Variants in MND1 observed in about 807,000 individuals in gnomAD.
The protein encoded by MND1 is meiotic nuclear division protein 1 homolog.
In MND1, 28 loss-of-function variants were observed where a neutral mutation model predicts 35.1. That is an observed-to-expected ratio of 0.80 (90% CI 0.59 to 1.09). The LOEUF is 1.09. Among genes scored for constraint, MND1 ranks in the 50% least tolerant of loss-of-function variants. The pLI, the probability that MND1 is intolerant of heterozygous loss-of-function variation, is 0.00. For missense variants in MND1, 213 were observed against 239.6 expected (o/e 0.89, Z 0.73); for synonymous variants, 69 against 70.5 (o/e 0.98, Z 0.11).
intron 4 of MND1, among the ~76,000 whole-genome samples, 176 bp downstream of exon 4, chr4:153,358,798 A>C (rs1773409080): frequency 6.6e-6 from 1 of 152,128 alleles, no homozygotes. Flanking sequence ...AGAACGTTTT[A>C]ATTTTCATCT....
intron 4 of MND1, among the ~76,000 whole-genome samples, chr4:153,389,741 T>C (rs1219489381): frequency 1.3e-5 from 2 of 152,222 alleles, no homozygotes; most frequent in African/African-American, 4.8e-5. Flanking sequence ...AGACAAACAT[T>C]AAGATGTTTT....
chr4:153,355,560 A>AT (rs1357316669), intron 2 of MND1, 94 bp from the exon 3 acceptor site: 26 of 723,188 alleles, frequency 3.6e-5, no homozygotes, highest in African/African-American at 7.2e-5. Context: ...GTATACAACT[A>AT]TTATGTACCC....
chr4:153,366,722 A>T (rs1028918846), intron 4 of MND1, among the ~76,000 whole-genome samples: 1 of 152,228 alleles, frequency 6.6e-6, no homozygotes, highest in Non-Finnish European at 1.5e-5. Flanking sequence ...GGAACTAGAA[A>T]TAGGAATGGG....
chr4:153,398,101 T>C (rs1207380694), intron 6 of MND1, among the ~76,000 whole-genome samples: 1 of 152,178 alleles, frequency 6.6e-6, no homozygotes, highest in Non-Finnish European at 1.5e-5. Context: ...AATATACCAG[T>C]CATTTTTTTT....
At chr4:153,392,326 C>T (rs893248804) in intron 4 of MND1, among the ~76,000 whole-genome samples, 4 of 151,934 alleles carry the variant, frequency 2.6e-5, no homozygotes, top group South Asian at 4.2e-4. Context: ...AGGATGGTCT[C>T]GATCTCCTGA....
chr4:153,369,088 T>G (rs1233693811), intron 4 of MND1, among the ~76,000 whole-genome samples: 2 of 152,216 alleles, frequency 1.3e-5, no homozygotes, highest in Non-Finnish European at 2.9e-5. Context: ...AATCCAATCA[T>G]GTGGTTATTG....
chr4:153,392,328 A>G (rs902202347), intron 4 of MND1, among the ~76,000 whole-genome samples: 3 of 152,002 alleles, frequency 2.0e-5, no homozygotes, highest in Non-Finnish European at 4.4e-5. Context: ...GATGGTCTCG[A>G]TCTCCTGACC....
At chr4:153,408,949 T>C (rs780646067) in intron 6 of MND1, 22 bp from the exon 7 acceptor site, 6 of 1,034,456 alleles carry the variant, frequency 5.8e-6, no homozygotes, top group Admixed American at 7.8e-5. Context: ...CATTTCATTT[T>C]ATATATATAA....
chr4:153,413,051 T>C (rs1729733772), intron 7 of MND1, among the ~76,000 whole-genome samples: 2 of 152,032 alleles, frequency 1.3e-5, no homozygotes, highest in African/African-American at 2.4e-5. Context: ...ATGATCCTTT[T>C]CTTATAAAGA....
intron 7 of MND1, among the ~76,000 whole-genome samples, chr4:153,409,370 C>CTAATAATAATAATAATAATAATAATAA (rs58903970): frequency 2.7e-3 from 402 of 149,436 alleles, no homozygotes; most frequent in African/African-American, 8.4e-3. Flanking sequence ...TATCATCTTG[C>CTAATAATAATAATAATAATAATAATAA]TAATAATAAT....
intron 4 of MND1, among the ~76,000 whole-genome samples, chr4:153,393,837 T>G (rs1222692503): frequency 6.6e-6 from 1 of 151,900 alleles, no homozygotes; most frequent in Non-Finnish European, 1.5e-5. Context: ...ACTCTTTTTT[T>G]TTTTCAATGT....
chr4:153,414,758 A>G lies in MND1; in HGVS notation c.519A>G (p.Ile173Met), dbSNP rs1461142359. ...TCTCAATTTTCTTTATAGATAACAT[A>G]TTCGCAATAAAATCTTGGGCCAAAA... is the stretch of plus-strand genomic sequence containing the variant. ...KEAANRWTDN[I>M]FAIKSWAKRK... The change falls in exon 8 of 8, where the codon ATA (isoleucine) becomes ATG (methionine). Residue 173 changes from isoleucine to methionine, a missense_variant. Coordinates refer to ENST00000240488, the MANE Select transcript of MND1 (RefSeq NM_032117.4). 6.3e-6 allele frequency: 9 copies of G among 1,427,636 alleles called. No individual in the cohort carries two copies. The highest frequency in any genetic ancestry group is 1.4e-5 in the African/African-American group (1 of 69,656). 88.4% of individuals were successfully genotyped at this position (1,427,636 alleles called of 1,614,324 possible). A position where few individuals can be genotyped will look rare whatever the true frequency, so the allele number is the denominator to read the frequency against.
At chr4:153,367,179 G>A (rs1579912524) in intron 4 of MND1, among the ~76,000 whole-genome samples, 1 of 152,024 alleles carries the variant, frequency 6.6e-6, no homozygotes, top group African/African-American at 2.4e-5. Context: ...CCCATTTAAA[G>A]TGTATGATGT....
intron 4 of MND1, among the ~76,000 whole-genome samples, chr4:153,378,984 G>A (rs1728585630): frequency 6.6e-6 from 1 of 152,136 alleles, no homozygotes; most frequent in Non-Finnish European, 1.5e-5. Flanking sequence ...TAGCAAGTGA[G>A]AACTTTTGAA....
At chr4:153,365,039 C>A (rs1773592616) in intron 4 of MND1, among the ~76,000 whole-genome samples, 1 of 151,868 alleles carries the variant, frequency 6.6e-6, no homozygotes, top group African/African-American at 2.4e-5. Flanking sequence ...ACATTGCTGA[C>A]CTTGGAAGAT....
intron 6 of MND1, among the ~76,000 whole-genome samples, chr4:153,407,202 G>A (rs773556655): frequency 1.1e-4 from 16 of 152,184 alleles, no homozygotes; most frequent in Admixed American, 5.9e-4. Flanking sequence ...GGTGGCTCAC[G>A]CCTGTAATCC....
At chr4:153,364,858 C>G (rs887310820) in intron 4 of MND1, among the ~76,000 whole-genome samples, 1 of 152,172 alleles carries the variant, frequency 6.6e-6, no homozygotes, top group Admixed American at 6.5e-5. Context: ...ATTGCAGGCT[C>G]ATCCCACCAC....
At chr4:153,381,692 ATTTTTTTTTTTTTTTTTT>A (rs765943574) in intron 4 of MND1, 5 of 17,474 alleles carry the variant, frequency 2.9e-4, no homozygotes, top group African/African-American at 9.5e-4. Context: ...ATATATATAT[ATTTTTTTTTTTTTTTTTT>A]TTTTTTTTTT....
At chr4:153,363,474 A>G (rs1773549625) in intron 4 of MND1, among the ~76,000 whole-genome samples, 1 of 152,070 alleles carries the variant, frequency 6.6e-6, no homozygotes, top group Non-Finnish European at 1.5e-5. Context: ...GGCCTCCCAA[A>G]GTGCTAGGAT....
Sources: gnomAD v4.1 joint callset for allele counts (sites outside exome capture counted in the v4.1 genomes callset) on GRCh38, gnomAD v4.1.1 for gene constraint, MANE v1.5 for transcripts, NCBI Gene and HGNC (gene_info 2026-07-23, HGNC 2026-07-21) for gene names.